CDYL: variants seen among roughly 807,000 people sequenced by gnomAD.
CDYL encodes chromodomain Y like, also known as chromodomain Y-like protein.
In CDYL, 8 loss-of-function variants were observed where a neutral mutation model predicts 47.3. The observed-to-expected ratio is 0.17, with a 90% confidence interval of 0.10 to 0.31. The LOEUF (loss-of-function observed/expected upper bound fraction) is 0.31. Ranked by LOEUF, CDYL falls within the 10% of genes least tolerant of loss-of-function variation. CDYL has a pLI of 1.00. For missense variants in CDYL, 471 were observed against 701.4 expected, an observed-to-expected ratio of 0.67 and a Z score of 3.71; for synonymous variants, 266 against 265.0, an observed-to-expected ratio of 1.00 and a Z score of -0.04.
chr6:4,729,273 G>A (rs983893534), intron 2 of CDYL, among the ~76,000 whole-genome samples: 1 of 152,078 alleles, frequency 6.6e-6, no homozygotes. Context: ...GTCCTAAAGA[G>A]GCCCTACAGC....
At chr6:4,786,398 G>A (rs200982618) in intron 1 of CDYL, among the ~76,000 whole-genome samples, 5 of 152,216 alleles carry the variant, frequency 3.3e-5, no homozygotes, top group South Asian at 2.1e-4. Flanking sequence ...CTGTGTGTGT[G>A]TACTCTGGCT....
intron 2 of CDYL, among the ~76,000 whole-genome samples, chr6:4,933,894 A>G (rs1048804085): frequency 3.4e-4 from 52 of 152,350 alleles, no homozygotes; most frequent in African/African-American, 1.2e-3. Flanking sequence ...TGTGAACTGG[A>G]AAATGAATTA....
chr6:4,874,897 G>A (rs1453096359), intron 1 of CDYL, among the ~76,000 whole-genome samples: 1 of 152,176 alleles, frequency 6.6e-6, no homozygotes, highest in Non-Finnish European at 1.5e-5. Context: ...ATGGTGAGCA[G>A]TGTTCCATTG....
chr6:4,930,422 C>G (rs1236520361), intron 2 of CDYL, among the ~76,000 whole-genome samples: 1 of 152,240 alleles, frequency 6.6e-6, no homozygotes, highest in African/African-American at 2.4e-5. Context: ...TTTTTGCCAG[C>G]TATGTCTGGG....
At chr6:4,711,359 C>G (rs1343094888) in intron 1 of CDYL, among the ~76,000 whole-genome samples, 1 of 152,200 alleles carries the variant, frequency 6.6e-6, no homozygotes, top group African/African-American at 2.4e-5. Flanking sequence ...CCTCAAGGCT[C>G]TTCTCTGGTT....
intron 1 of CDYL, among the ~76,000 whole-genome samples, chr6:4,868,298 C>CT (rs1761378962): frequency 6.6e-6 from 1 of 151,584 alleles, no homozygotes; most frequent in Admixed American, 6.6e-5. Context: ...TCATGTGTTG[C>CT]TTTCATTTTC....
intron 1 of CDYL, among the ~76,000 whole-genome samples, chr6:4,807,901 C>T (rs767980996): frequency 5.3e-5 from 8 of 152,146 alleles, no homozygotes; most frequent in African/African-American, 1.7e-4. Flanking sequence ...GCCACCGCGC[C>T]GGGCTCATTT....
intron 5 of CDYL, among the ~76,000 whole-genome samples, chr6:4,948,634 A>G (rs1464918279): frequency 2.0e-5 from 3 of 152,162 alleles, no homozygotes; most frequent in Non-Finnish European, 4.4e-5. Context: ...GGCACCCTCC[A>G]TAGCCCACGG....
chr6:4,788,480 C>CA (rs1220969716), intron 1 of CDYL, among the ~76,000 whole-genome samples: 35,707 of 60,996 alleles, frequency 0.59, 12,000 homozygotes, highest in East Asian at 0.77. Context: ...GAGACTCTGT[C>CA]AAAAAAAAAA....
chr6:4,780,026 G>A (rs151043656), intron 1 of CDYL, among the ~76,000 whole-genome samples: 1 of 152,232 alleles, frequency 6.6e-6, no homozygotes, highest in African/African-American at 2.4e-5. Context: ...ATAGGCAGTG[G>A]GCTGGCTTTG....
At position 4,890,652 on chromosome 6, in the gene CDYL, G is replaced by A. The variant is rs374209680; in HGVS notation, c.25-1061G>A. On this transcript the variant is annotated intron_variant, in intron 1 of 6. Transcript: ENST00000397588. ...ATCAGCACTTCTACTCATTAGGCTC[G>A]AGTATTTGGGGATGTTAGAGAACCA... Among the ~76,000 whole-genome samples, 4 of 152,304 alleles carry A rather than the reference G, an allele frequency of 2.6e-5. No individual in the cohort carries two copies. In the East Asian group the frequency reaches 5.8e-4, roughly 22 times the overall value.
chr6:4,936,743 T>G (rs2127520468), intron 3 of CDYL, among the ~76,000 whole-genome samples: 1 of 152,330 alleles, frequency 6.6e-6, no homozygotes. Flanking sequence ...TGAATGAGTT[T>G]CTTTCAACTG....
intron 3 of CDYL, among the ~76,000 whole-genome samples, chr6:4,758,433 G>T (rs1029659802): frequency 6.6e-6 from 1 of 150,922 alleles, no homozygotes; most frequent in Non-Finnish European, 1.5e-5. Flanking sequence ...GGCAGAGACG[G>T]GTGGATCACT....
In CDYL at chr6:4,794,217, G is replaced by T. The variant is rs1316755162; in HGVS notation, c.24+17410G>T. Reference sequence around the variant, plus strand: ...GCGGGGAGATAAGAGACACAGTAAAGAAGACTGAGAAGAGACGTGGCCAGA... The same window carrying T: ...GCGGGGAGATAAGAGACACAGTAAATAAGACTGAGAAGAGACGTGGCCAGA... On this transcript the variant is annotated intron_variant, in intron 1 of 6. Coordinates refer to ENST00000397588, the MANE Select transcript of CDYL (RefSeq NM_004824.4). Among the ~76,000 whole-genome samples the T allele has an allele frequency of 9.9e-5, 15 of 152,238 alleles. No homozygotes were observed. The South Asian group carries it at 2.7e-3, about 27-fold the overall frequency.
At chr6:4,784,936 C>T (rs1758714635) in intron 1 of CDYL, among the ~76,000 whole-genome samples, 2 of 150,396 alleles carry the variant, frequency 1.3e-5, no homozygotes, top group Non-Finnish European at 2.9e-5. Flanking sequence ...CACCATGTAA[C>T]GTGTGACCTT....
At chr6:4,769,070 C>T (rs909134169) in intron 3 of CDYL, among the ~76,000 whole-genome samples, 1 of 152,160 alleles carries the variant, frequency 6.6e-6, no homozygotes, top group Admixed American at 6.6e-5. Context: ...CCAAGAGAAG[C>T]GTAAGGAGAC....
In CDYL at chr6:4,785,035, C is replaced by T. The variant is rs572848828; in HGVS notation, c.24+8228C>T. 6.6e-5 allele frequency among the ~76,000 whole-genome samples: 10 copies of T among 152,300 alleles called. No individual in the cohort carries two copies. In the South Asian group the frequency reaches 1.5e-3, roughly 22 times the overall value. On this transcript the variant is annotated intron_variant, in intron 1 of 6. Coordinates refer to ENST00000397588, the MANE Select transcript of CDYL (RefSeq NM_004824.4). The stretch of plus-strand genomic sequence containing the variant: ...AAACTCGTTTCCTTTATAAATTACC[C>T]GGTCTCGGGTATGTCTTTATTAGCA...
intron 1 of CDYL, among the ~76,000 whole-genome samples, chr6:4,845,321 T>C (rs2127460878): frequency 6.6e-6 from 1 of 152,334 alleles, no homozygotes; most frequent in East Asian, 1.9e-4. Flanking sequence ...AGGTTCCAAG[T>C]CATTTTGCGA....
intron 1 of CDYL, among the ~76,000 whole-genome samples, chr6:4,886,107 G>A (rs978200736): frequency 4.6e-5 from 7 of 151,950 alleles, no homozygotes; most frequent in Non-Finnish European, 7.3e-5. Flanking sequence ...ATAATATTCT[G>A]TAGTATAGAT....
Sources: gnomAD v4.1 joint callset for allele counts (sites outside exome capture counted in the v4.1 genomes callset) on GRCh38, gnomAD v4.1.1 for gene constraint, MANE v1.5 for transcripts, NCBI Gene and HGNC (gene_info 2026-07-23, HGNC 2026-07-21) for gene names.